CSMD1: variants seen among roughly 807,000 people sequenced by gnomAD.
CSMD1 encodes CUB and sushi domain-containing protein 1.
In CSMD1, 213 loss-of-function variants were observed where a neutral mutation model predicts 417.5. The observed-to-expected ratio is 0.51, with a 90% CI of 0.46 to 0.57. The LOEUF (loss-of-function observed/expected upper bound fraction) is 0.57, where lower values mean the gene tolerates loss of function less well. Among genes scored for constraint, CSMD1 ranks in the 20% least tolerant of loss-of-function variants. The pLI is 0.00. For synonymous variants in CSMD1, 2,862 were observed against 1,736.8 expected, an observed-to-expected ratio of 1.65 and a Z score of -16.11; for missense variants, 6,923 against 4,529.7, an observed-to-expected ratio of 1.53 and a Z score of -15.17.
At position 4,367,971 on chromosome 8, in the gene CSMD1, T is replaced by TA. The variant is rs1802181934; in HGVS notation, c.415+51981dup. ...TTCTGGCAGGCTTTATGGGGTGTTC[T>TA]AGGTATAGAGTTACATTGTCAGTGA... On this transcript the variant is annotated intron_variant, in intron 3 of 69. Transcript: ENST00000635120. 2.6e-5 allele frequency among the ~76,000 whole-genome samples: 4 copies of TA among 152,160 alleles called. No individual in the cohort carries two copies. The South Asian group carries it at 8.3e-4, about 31-fold the overall frequency.
intron 5 of CSMD1, among the ~76,000 whole-genome samples, chr8:3,956,972 C>T: frequency 6.6e-6 from 1 of 151,678 alleles, no homozygotes; most frequent in East Asian, 2.0e-4. Context: ...AAGGTTGGAC[C>T]TGTTTTTCTT....
chr8:3,519,541 T>C (rs931733247), intron 10 of CSMD1, among the ~76,000 whole-genome samples: 3 of 152,162 alleles, frequency 2.0e-5, no homozygotes, highest in African/African-American at 7.2e-5. Context: ...AAGCTCATTT[T>C]GACCTTCCCC....
chr8:4,027,620 C>G (rs572050891), intron 4 of CSMD1, among the ~76,000 whole-genome samples: 177 of 152,298 alleles, frequency 1.2e-3, no homozygotes, highest in African/African-American at 4.2e-3. Context: ...GTGAATTAAC[C>G]TCTTTTCTTT....
intron 3 of CSMD1, among the ~76,000 whole-genome samples, chr8:4,201,713 G>C (rs1259151859): frequency 2.6e-5 from 4 of 151,990 alleles, no homozygotes; most frequent in African/African-American, 4.8e-5. Context: ...TGAAGAGCTA[G>C]GAAAAATAGT....
intron 3 of CSMD1, among the ~76,000 whole-genome samples, chr8:4,375,281 GAC>G (rs1361260925): frequency 6.6e-6 from 1 of 152,036 alleles, no homozygotes; most frequent in African/African-American, 2.4e-5. Context: ...TTCAGGAAAA[GAC>G]ACAAAAAAGT....
At chr8:4,930,934 A>G (rs1379605783) in intron 1 of CSMD1, among the ~76,000 whole-genome samples, 1 of 152,224 alleles carries the variant, frequency 6.6e-6, no homozygotes, top group Non-Finnish European at 1.5e-5. Flanking sequence ...GACATTGTAC[A>G]GAACTGGAAA....
At chr8:3,944,427 C>T (rs1467604843) in intron 5 of CSMD1, among the ~76,000 whole-genome samples, 4 of 152,062 alleles carry the variant, frequency 2.6e-5, no homozygotes, top group African/African-American at 7.2e-5. Flanking sequence ...TCTTCATATT[C>T]AACTGATAAA....
intron 69 of CSMD1, among the ~76,000 whole-genome samples, chr8:2,941,181 T>C (rs1032468248): frequency 3.9e-5 from 6 of 152,220 alleles, no homozygotes; most frequent in African/African-American, 1.2e-4. Context: ...CATTGAGTCA[T>C]ATTCTTAAAG....
chr8:3,951,723 A>C (rs986075618), intron 5 of CSMD1, among the ~76,000 whole-genome samples: 1 of 152,208 alleles, frequency 6.6e-6, no homozygotes, highest in African/African-American at 2.4e-5. Flanking sequence ...ATGGGTATTA[A>C]CAACATGGGG....
chr8:3,249,656 G>C (rs1800127663), intron 26 of CSMD1, among the ~76,000 whole-genome samples: 1 of 152,146 alleles, frequency 6.6e-6, no homozygotes. Context: ...TTAAAACATT[G>C]ATGTATTAAC....
At chr8:4,650,656 T>TAA (rs3990383) in intron 1 of CSMD1, among the ~76,000 whole-genome samples, 38,073 of 148,694 alleles carry the variant, frequency 0.26, 4,854 homozygotes, top group Middle Eastern at 0.32. Flanking sequence ...GGCCTTGAGT[T>TAA]AAAAAAAAAA....
At chr8:4,125,895 G>C (rs1294033276) in intron 3 of CSMD1, among the ~76,000 whole-genome samples, 2 of 152,132 alleles carry the variant, frequency 1.3e-5, no homozygotes, top group East Asian at 1.9e-4. Flanking sequence ...CGGTTTAGGA[G>C]ACACGCAGCC....
At chr8:4,637,278 A>T in intron 2 of CSMD1, 64 bp downstream of exon 2, 1 of 1,350,374 alleles carries the variant, frequency 7.4e-7, no homozygotes, top group Non-Finnish European at 1.0e-6. Flanking sequence ...AAATATTCCA[A>T]CTAGATTTCA....
rs1554468305 is a variant in CSMD1, at chr8:3,556,412, T to TAC, written c.1344+18532_1344+18533insGT. Among the ~76,000 whole-genome samples, 117 of 134,604 alleles carry TAC rather than the reference T, an allele frequency of 8.7e-4. 8 individuals carry two copies. The highest frequency in any genetic ancestry group is 3.9e-3 in the African/African-American group (116 of 29,870). The allele number at this position is 134,604 out of a possible 152,430, so 88.3% of individuals were successfully genotyped here. A position where few individuals can be genotyped will look rare whatever the true frequency, so the allele number is the denominator to read the frequency against. On this transcript the variant is annotated intron_variant, in intron 10 of 69. Coordinates refer to ENST00000635120, the MANE Select transcript of CSMD1 (RefSeq NM_033225.6). ...TAATTAATATATATATATATATATA[T>TAC]ATTCACACACACAAAGAATTTATGA...
chr8:3,964,830 G>A (rs1000403753), intron 5 of CSMD1, among the ~76,000 whole-genome samples: 3 of 152,050 alleles, frequency 2.0e-5, no homozygotes, highest in East Asian at 3.9e-4. Flanking sequence ...AATAATACAC[G>A]GTTATTCACT....
intron 10 of CSMD1, among the ~76,000 whole-genome samples, chr8:3,548,018 T>C (rs890337162): frequency 3.3e-5 from 5 of 152,186 alleles, no homozygotes; most frequent in Non-Finnish European, 7.3e-5. Context: ...AATGAGTTTA[T>C]AAACTTCCTG....
chr8:3,442,041 A>C (rs1417381219), intron 12 of CSMD1, among the ~76,000 whole-genome samples: 1 of 152,060 alleles, frequency 6.6e-6, no homozygotes, highest in Non-Finnish European at 1.5e-5. Context: ...ATTAGTTTTA[A>C]ACAAAAATTT....
At chr8:4,268,501 T>C (rs986386056) in intron 3 of CSMD1, among the ~76,000 whole-genome samples, 1 of 152,192 alleles carries the variant, frequency 6.6e-6, no homozygotes, top group African/African-American at 2.4e-5. Flanking sequence ...TTGTAGTATT[T>C]AGAGAAACAA....
chr8:3,710,352 C>T (rs1801437878), intron 6 of CSMD1, among the ~76,000 whole-genome samples: 1 of 152,150 alleles, frequency 6.6e-6, no homozygotes, highest in Admixed American at 6.5e-5. Flanking sequence ...CTTTGTTTCT[C>T]TGGAGAACTC....
Sources: gnomAD v4.1 joint callset for allele counts (sites outside exome capture counted in the v4.1 genomes callset) on GRCh38, gnomAD v4.1.1 for gene constraint, MANE v1.5 for transcripts, NCBI Gene and HGNC (gene_info 2026-07-23, HGNC 2026-07-21) for gene names.